The following LRP1B variants were observed in gnomAD, a reference collection of about 807,000 sequenced individuals.
LRP1B encodes low-density lipoprotein receptor-related protein 1B.
Under a neutral mutation model 556.6 loss-of-function variants are expected in LRP1B, and 217 were observed. The ratio of observed to expected loss-of-function variants is 0.39; its 90% CI spans 0.35 to 0.44. The LOEUF is 0.44. Ranked by LOEUF, LRP1B falls within the 20% of genes least tolerant of loss-of-function variation. LRP1B has a pLI of 1.00. For missense variants in LRP1B, 5,053 were observed against 5,620.8 expected, an observed-to-expected ratio of 0.90 and a Z score of 3.23; for synonymous variants, 2,047 against 1,865.8, an observed-to-expected ratio of 1.10 and a Z score of -2.50.
intron 32 of LRP1B, among the ~76,000 whole-genome samples, chr2:140,812,496 AT>A: frequency 6.6e-6 from 1 of 152,130 alleles, no homozygotes; most frequent in East Asian, 1.9e-4. Flanking sequence ...TGATAAAAAT[AT>A]TTTTTATCTA....
intron 1 of LRP1B, among the ~76,000 whole-genome samples, chr2:141,931,208 T>C (rs1047130416): frequency 6.6e-6 from 1 of 152,030 alleles, no homozygotes; most frequent in Admixed American, 6.6e-5. Context: ...TTATAGATTC[T>C]CTACAGTGAG....
intron 66 of LRP1B, among the ~76,000 whole-genome samples, chr2:140,402,433 G>A (rs370899033): frequency 6.6e-6 from 1 of 152,194 alleles, no homozygotes; most frequent in Non-Finnish European, 1.5e-5. Flanking sequence ...TTGCATGGTT[G>A]CACCTGTAGA....
intron 49 of LRP1B, among the ~76,000 whole-genome samples, chr2:140,522,002 C>T (rs941111089): frequency 6.6e-6 from 1 of 152,000 alleles, no homozygotes; most frequent in Non-Finnish European, 1.5e-5. Context: ...TAGCAGAATT[C>T]AATACTCCAG....
At chr2:141,343,357 C>T (rs1301229898) in intron 3 of LRP1B, among the ~76,000 whole-genome samples, 1 of 152,180 alleles carries the variant, frequency 6.6e-6, no homozygotes, top group African/African-American at 2.4e-5. Flanking sequence ...TTGTCTACTA[C>T]TTCTATCATC....
chr2:141,682,313 GAGAGGATGTCAGGAAAATT>G (rs1189987633), intron 2 of LRP1B, among the ~76,000 whole-genome samples: 1 of 151,236 alleles, frequency 6.6e-6, no homozygotes, highest in Non-Finnish European at 1.5e-5. Context: ...AAAATCAGAG[GAGAGGATGTCAGGAAAATT>G]ATAAGTAGAT....
At chr2:141,871,342 A>C (rs1159417022) in intron 1 of LRP1B, among the ~76,000 whole-genome samples, 2 of 151,858 alleles carry the variant, frequency 1.3e-5, no homozygotes, top group Non-Finnish European at 2.9e-5. Flanking sequence ...ACTTGCCCAG[A>C]TTGTAATATA....
chr2:142,118,687 A>G (rs565958419), intron 1 of LRP1B, among the ~76,000 whole-genome samples: 2 of 152,234 alleles, frequency 1.3e-5, no homozygotes, highest in African/African-American at 4.8e-5. Flanking sequence ...CATACCTCGT[A>G]TTCACATATA....
At chr2:141,188,400 A>T (rs2105192733) in intron 7 of LRP1B, 21 bp downstream of exon 7, 4 of 1,604,748 alleles carry the variant, frequency 2.5e-6, no homozygotes, top group Non-Finnish European at 3.4e-6. Flanking sequence ...TTTAGACCAA[A>T]CACTATAAAG....
chr2:141,282,626 ATAAT>A (rs768264559), intron 3 of LRP1B, among the ~76,000 whole-genome samples: 7 of 151,996 alleles, frequency 4.6e-5, no homozygotes, highest in Non-Finnish European at 7.4e-5. Context: ...ATATGTATAA[ATAAT>A]TAATCAAGCC....
intron 3 of LRP1B, among the ~76,000 whole-genome samples, chr2:141,460,395 G>A (rs1205892237): frequency 6.6e-6 from 1 of 152,106 alleles, no homozygotes; most frequent in Non-Finnish European, 1.5e-5. Flanking sequence ...CAACATACTT[G>A]GAAGAATTGG....
intron 7 of LRP1B, among the ~76,000 whole-genome samples, chr2:141,137,117 A>G (rs2105043896): frequency 6.6e-6 from 1 of 152,116 alleles, no homozygotes; most frequent in East Asian, 1.9e-4. Flanking sequence ...TTTGTAGGTA[A>G]TACTCTAATT....
intron 41 of LRP1B, among the ~76,000 whole-genome samples, chr2:140,646,346 T>A (rs968431167): frequency 6.6e-6 from 1 of 152,220 alleles, no homozygotes; most frequent in Non-Finnish European, 1.5e-5. Flanking sequence ...GAAGTTATAT[T>A]TAGAGTTCTT....
chr2:141,979,335 T>C (rs1701979775), intron 1 of LRP1B, among the ~76,000 whole-genome samples: 2 of 152,090 alleles, frequency 1.3e-5, no homozygotes, highest in Non-Finnish European at 2.9e-5. Flanking sequence ...GGAATTTCAT[T>C]AGTGCTTGAA....
At chr2:141,748,404 CA>C (rs901312068) in intron 2 of LRP1B, among the ~76,000 whole-genome samples, 30 of 152,098 alleles carry the variant, frequency 2.0e-4, no homozygotes, top group Admixed American at 2.6e-4. Context: ...TTTTCTAGCA[CA>C]AGTTTCCCAA....
At chr2:140,883,481 G>T (rs1215540100) in intron 25 of LRP1B, among the ~76,000 whole-genome samples, 1 of 151,830 alleles carries the variant, frequency 6.6e-6, no homozygotes, top group African/African-American at 2.4e-5. Context: ...TCTTTGGCAG[G>T]GCAAAGAGAA....
At chr2:141,653,332 T>C (rs1315867341) in intron 2 of LRP1B, among the ~76,000 whole-genome samples, 1 of 152,130 alleles carries the variant, frequency 6.6e-6, no homozygotes, top group Non-Finnish European at 1.5e-5. Context: ...AGCTTTTCAA[T>C]GGGAACTAGA....
intron 72 of LRP1B, among the ~76,000 whole-genome samples, chr2:140,363,345 T>G (rs536321226): frequency 2.0e-5 from 3 of 151,578 alleles, no homozygotes; most frequent in African/African-American, 7.3e-5. Flanking sequence ...GGAATGCTCC[T>G]GAGAATCAGT....
intron 7 of LRP1B, among the ~76,000 whole-genome samples, chr2:141,108,357 T>C (rs1253409786): frequency 7.6e-6 from 1 of 131,644 alleles, no homozygotes; most frequent in East Asian, 2.1e-4. Context: ...TTTTTTTTTT[T>C]TTTTTTTTGA....
chr2:141,357,180 C>T (rs186458338), intron 3 of LRP1B, among the ~76,000 whole-genome samples: 25 of 152,056 alleles, frequency 1.6e-4, no homozygotes, highest in Admixed American at 3.9e-4. Flanking sequence ...CTCAGCCTCC[C>T]GAGTAGCTGG....
Sources: gnomAD v4.1 joint callset for allele counts (sites outside exome capture counted in the v4.1 genomes callset) on GRCh38, gnomAD v4.1.1 for gene constraint, MANE v1.5 for transcripts, NCBI Gene and HGNC (gene_info 2026-07-23, HGNC 2026-07-21) for gene names.